MGAT4D: variants seen among roughly 807,000 people sequenced by gnomAD.
MGAT4D encodes MGAT4 family member D.
MGAT4D carries 34 observed loss-of-function variants against 15.9 expected under a neutral mutation model. That is an observed-to-expected ratio of 2.14 (90% confidence interval 1.62 to 2.84). MGAT4D has a LOEUF of 2.84. Among genes scored for constraint, MGAT4D ranks in the 30% most tolerant of loss-of-function variants. The pLI is 0.00. For missense variants in MGAT4D, 327 were observed against 140.2 expected (o/e 2.33, Z -6.73); for synonymous variants, 112 against 48.2 (o/e 2.33, Z -5.49).
chr4:140,471,966 A>G (rs1412183452), intron 4 of MGAT4D, 145 bp from the exon 5 acceptor site: 3 of 249,558 alleles, frequency 1.2e-5, no homozygotes, highest in Non-Finnish European at 2.2e-5. Flanking sequence ...TTCTATTAAA[A>G]GATTTAAAAA....
intron 7 of MGAT4D, among the ~76,000 whole-genome samples, chr4:140,460,746 G>A (rs934398904): frequency 6.6e-6 from 1 of 152,136 alleles, no homozygotes; most frequent in Non-Finnish European, 1.5e-5. Context: ...TCAGTGAGCC[G>A]CGATTGTGCC....
intron 6 of MGAT4D, among the ~76,000 whole-genome samples, chr4:140,462,841 CA>C (rs1731283717): frequency 6.6e-6 from 1 of 152,142 alleles, no homozygotes; most frequent in African/African-American, 2.4e-5. Context: ...GACTAATGCG[CA>C]GCTCCTGCTT....
intron 1 of MGAT4D, among the ~76,000 whole-genome samples, chr4:140,488,128 A>G (rs1294215239): frequency 1.3e-5 from 2 of 152,136 alleles, no homozygotes; most frequent in East Asian, 3.9e-4. Context: ...CTCATCTCCA[A>G]TCAATGATTA....
intron 9 of MGAT4D, among the ~76,000 whole-genome samples, chr4:140,455,592 G>T (rs1051129898): frequency 6.6e-6 from 1 of 152,140 alleles, no homozygotes; most frequent in Admixed American, 6.5e-5. Flanking sequence ...AGATGGTGTT[G>T]TTCAGTTCTT....
intron 5 of MGAT4D, among the ~76,000 whole-genome samples, chr4:140,466,383 C>A (rs561442440): frequency 6.6e-6 from 1 of 152,244 alleles, no homozygotes; most frequent in East Asian, 1.9e-4. Context: ...AGAGATATTT[C>A]ATGACATTGA....
At position 140,451,599 on chromosome 4, in the gene MGAT4D, T is replaced by C. The variant is rs553413797; in HGVS notation, c.1009-82A>G. The C allele has an allele frequency of 3.5e-4, 143 of 405,094 alleles. 2 individuals carry two copies. The South Asian group carries it at 8.1e-3, about 23-fold the overall frequency. 25.1% of individuals were successfully genotyped at this position (405,094 alleles called of 1,614,324 possible). Reference sequence around the variant, plus strand: ...GTTTACTGATGGTAGAATTTTTATATATTAGTTTTTGCTAGAGTTCTATTT... The same window carrying C: ...GTTTACTGATGGTAGAATTTTTATACATTAGTTTTTGCTAGAGTTCTATTT... On this transcript the variant is annotated intron_variant, in intron 9 of 10. Transcript: ENST00000511113.
intron 5 of MGAT4D, among the ~76,000 whole-genome samples, chr4:140,470,187 T>C (rs1324727087): frequency 1.3e-5 from 2 of 152,246 alleles, no homozygotes; most frequent in Admixed American, 6.5e-5. Flanking sequence ...TTTTGACCAA[T>C]TGTTTGTGTG....
intron 9 of MGAT4D, among the ~76,000 whole-genome samples, chr4:140,455,061 G>T (rs1367913673): frequency 6.6e-6 from 1 of 151,922 alleles, no homozygotes; most frequent in Non-Finnish European, 1.5e-5. Flanking sequence ...TTATTTTTAT[G>T]CTTTTAATTT....
chr4:140,454,581 C>G (rs1730677923), intron 9 of MGAT4D, among the ~76,000 whole-genome samples: 1 of 151,898 alleles, frequency 6.6e-6, no homozygotes, highest in South Asian at 2.1e-4. Flanking sequence ...CTGTTTTTGT[C>G]TGGTTTTCAT....
chr4:140,490,177 T>G (rs779210523), intron 1 of MGAT4D, among the ~76,000 whole-genome samples: 3 of 152,238 alleles, frequency 2.0e-5, no homozygotes, highest in Admixed American at 6.5e-5. Flanking sequence ...TCTATGTTTA[T>G]TCAACATTTA....
At chr4:140,481,305 A>T (rs904116816) in intron 2 of MGAT4D, among the ~76,000 whole-genome samples, 5 of 151,942 alleles carry the variant, frequency 3.3e-5, no homozygotes, top group South Asian at 2.1e-4. Context: ...GCCTGTTTTA[A>T]AAAAAAATGG....
At chr4:140,471,166 A>G (rs1403436133) in intron 5 of MGAT4D, among the ~76,000 whole-genome samples, 1 of 152,058 alleles carries the variant, frequency 6.6e-6, no homozygotes, top group Non-Finnish European at 1.5e-5. Flanking sequence ...TACTGGCCTT[A>G]CAGGTGTGAG....
intron 4 of MGAT4D, among the ~76,000 whole-genome samples, chr4:140,473,315 T>C (rs1312912679): frequency 1.3e-5 from 2 of 152,150 alleles, no homozygotes. Context: ...TATTGCATTG[T>C]GGAGATATAT....
At chr4:140,454,632 C>A (rs946822143) in intron 9 of MGAT4D, among the ~76,000 whole-genome samples, 4 of 152,010 alleles carry the variant, frequency 2.6e-5, no homozygotes, top group African/African-American at 9.7e-5. Context: ...TTGGGATGTA[C>A]CCTTTCCTCT....
intron 5 of MGAT4D, among the ~76,000 whole-genome samples, chr4:140,467,991 C>T (rs1417783910): frequency 6.6e-6 from 1 of 151,636 alleles, no homozygotes; most frequent in African/African-American, 2.4e-5. Flanking sequence ...AAAGTTTAGA[C>T]ATGTAAATTT....
intron 5 of MGAT4D, among the ~76,000 whole-genome samples, chr4:140,470,157 T>C (rs1298757776): frequency 6.6e-6 from 1 of 152,256 alleles, no homozygotes; most frequent in African/African-American, 2.4e-5. Flanking sequence ...CCTTCTGTGC[T>C]CTCAGTCCTC....
chr4:140,459,556 G>A lies in MGAT4D; in HGVS notation c.833C>T (p.Ser278Leu). ...AAACTCAATAAAAAACCAATTATTT[G>A]AACTGATATTACCTACAAAATCTGT... ...KITDFVGNIS[S>L]NNWFFIEFSM... The change falls in exon 8 of 11, where the codon TCA becomes TTA. Residue 278 changes from serine (S) to leucine (L), a missense_variant. Coordinates refer to ENST00000511113, the MANE Select transcript of MGAT4D (RefSeq NM_001277353.2). 2 of 520,380 alleles carry A rather than the reference G, an allele frequency of 3.8e-6. No individual in the cohort carries two copies. Among genetic ancestry groups the A allele is most frequent in the African/African-American group, 2.0e-5 (1 of 50,174 alleles). 32.2% of individuals were successfully genotyped at this position (520,380 alleles called of 1,614,324 possible).
chr4:140,489,513 C>T (rs979475511), intron 1 of MGAT4D, among the ~76,000 whole-genome samples: 3 of 152,168 alleles, frequency 2.0e-5, no homozygotes, highest in African/African-American at 7.2e-5. Context: ...TCCCTACCCC[C>T]AGATAAGCAG....
intron 10 of MGAT4D, among the ~76,000 whole-genome samples, chr4:140,449,127 C>T (rs1290440649): frequency 6.6e-6 from 1 of 152,146 alleles, no homozygotes; most frequent in Non-Finnish European, 1.5e-5. Context: ...TAGAAATACA[C>T]ACGATTAGCT....
Sources: allele counts gnomAD v4.1 joint callset (sites outside exome capture counted in the v4.1 genomes callset), GRCh38; gene constraint gnomAD v4.1.1; transcripts MANE v1.5; gene names NCBI Gene and HGNC (gene_info 2026-07-23, HGNC 2026-07-21).